OVCH1: variants seen among roughly 807,000 people sequenced by gnomAD.
OVCH1 encodes ovochymase-1.
In OVCH1, 139 loss-of-function variants were observed where a neutral mutation model predicts 138.4. The observed-to-expected ratio is 1.00, with a 90% CI of 0.87 to 1.16. The LOEUF is 1.16. Ranked by LOEUF, OVCH1 falls within the 50% of genes most tolerant of loss-of-function variation. The pLI, the probability that OVCH1 is intolerant of heterozygous loss-of-function variation, is 0.00. For missense variants in OVCH1, 1,367 were observed against 1,357.9 expected (o/e 1.01, Z -0.11); for synonymous variants, 453 against 467.8 (o/e 0.97, Z 0.41).
chr12:29,464,529 G>A lies in OVCH1; in HGVS notation c.2103C>T (p.Thr701=), dbSNP rs117919494. The A allele has an allele frequency of 2.3e-4, 366 of 1,613,212 alleles. 2 individuals carry two copies. In the East Asian group the frequency reaches 5.8e-3, roughly 26 times the overall value. Reference sequence around the variant, plus strand: ...TACCTGCACTGATGCTTCCCCATCCGGTCACAGCACAGATCTCCGAGGAAA... The same window carrying A: ...TACCTGCACTGATGCTTCCCCATCCAGTCACAGCACAGATCTCCGAGGAAA... Residue 701 remains threonine, a synonymous_variant, in exon 18 of 28, where the codon ACC becomes ACT. Transcript: ENST00000318184.
At chr12:29,437,346 C>A (rs1302192855) in intron 26 of OVCH1, among the ~76,000 whole-genome samples, 1 of 152,054 alleles carries the variant, frequency 6.6e-6, no homozygotes, top group African/African-American at 2.4e-5. Flanking sequence ...ATTGGTTAGA[C>A]CCTTATTTAT....
intron 27 of OVCH1, among the ~76,000 whole-genome samples, chr12:29,433,565 T>A (rs2135904538): frequency 6.6e-6 from 1 of 152,308 alleles, no homozygotes; most frequent in East Asian, 1.9e-4. Context: ...ATATGATTAT[T>A]GACGATCTCC....
intron 21 of OVCH1, among the ~76,000 whole-genome samples, chr12:29,453,128 C>G (rs145941036): frequency 1.6e-3 from 244 of 152,248 alleles, no homozygotes; most frequent in African/African-American, 5.6e-3. Context: ...TTTAGGCACT[C>G]ACTGAATTCA....
chr12:29,489,902 A>G, intron 5 of OVCH1, 131 bp from the exon 6 acceptor site: 1 of 1,010,840 alleles, frequency 9.9e-7, no homozygotes, highest in South Asian at 1.6e-5. Context: ...TTAGGTGTGA[A>G]TCATATTCAC....
In OVCH1 at chr12:29,443,349, G is replaced by A. The variant is rs529945181; in HGVS notation, c.3157+12C>T. On this transcript the variant is annotated intron_variant, in intron 25 of 27. Coordinates refer to ENST00000318184, the Ensembl canonical transcript of OVCH1. ...AAATCAGTAGCATAGAGATTCATGGGAAATCAGTTACCTATTAATTTTTTT... is the reference window on the plus strand; with the variant it reads ...AAATCAGTAGCATAGAGATTCATGGAAAATCAGTTACCTATTAATTTTTTT... 6.2e-7 allele frequency: 1 copy of A among 1,607,472 alleles called. No individual in the cohort carries two copies. The highest frequency in any genetic ancestry group is 8.5e-7 in the Non-Finnish European group (1 of 1,176,456).
chr12:29,419,513 C>T (rs1941075226), intron 3 of OVCH1, among the ~76,000 whole-genome samples: 2 of 151,574 alleles, frequency 1.3e-5, no homozygotes, highest in Non-Finnish European at 2.9e-5. Flanking sequence ...CCAGGATGGT[C>T]TCGATCTCCT....
the OVCH1 span, among the ~76,000 whole-genome samples, chr12:29,405,287 T>G: frequency 5.3e-5 from 8 of 151,068 alleles, no homozygotes; most frequent in African/African-American, 1.9e-4. Context: ...CAAATGCCAG[T>G]TTGTGAGACA....
At chr12:29,454,687 TA>T (rs1384214988) in intron 21 of OVCH1, among the ~76,000 whole-genome samples, 153 bp downstream of exon 21, 7 of 152,144 alleles carry the variant, frequency 4.6e-5, no homozygotes, top group Non-Finnish European at 1.0e-4. Context: ...ACAATCTTAA[TA>T]ACAACTCTCC....
At chr12:29,404,580 T>C in the OVCH1 span, among the ~76,000 whole-genome samples, 5 of 152,220 alleles carry the variant, frequency 3.3e-5, no homozygotes, top group Non-Finnish European at 7.3e-5. Context: ...CACTTAATGC[T>C]GACTGTAGAC....
chr12:29,455,265 G>A lies in OVCH1; in HGVS notation c.2421C>T (p.Ile807=), dbSNP rs1411471835. 4 of 1,611,978 alleles carry A rather than the reference G, an allele frequency of 2.5e-6. No homozygotes were observed. The South Asian group carries it at 3.3e-5, about 13-fold the overall frequency. The change falls in exon 20 of 28, where the codon ATC becomes ATT. Residue 807 remains isoleucine, a synonymous_variant. Transcript: ENST00000318184. ...ACAATTTACCATTGATTTTTGATTG[G>A]ATCCAGTCCAAGAAGATCATCACTC... is the stretch of plus-strand genomic sequence containing the variant.
chr12:29,459,796 A>G (rs546674656), intron 19 of OVCH1, among the ~76,000 whole-genome samples: 1 of 152,296 alleles, frequency 6.6e-6, no homozygotes, highest in East Asian at 1.9e-4. Context: ...AAAAGAACTT[A>G]GAATAAAAAA....
At chr12:29,477,722 G>A in intron 9 of OVCH1, 1 of 951,422 alleles carries the variant, frequency 1.1e-6, no homozygotes, top group Non-Finnish European at 1.5e-6. Context: ...TCAAAATTCA[G>A]CTCTCTGATA....
chr12:29,423,990 C>A (rs1430726622), downstream of OVCH1, among the ~76,000 whole-genome samples: 1 of 152,030 alleles, frequency 6.6e-6, no homozygotes, highest in Non-Finnish European at 1.5e-5. Flanking sequence ...GTCGGGGAGA[C>A]CCTAACCCAG....
At chr12:29,412,112 G>T (rs139827598), downstream of OVCH1, among the ~76,000 whole-genome samples, 4,572 of 152,246 alleles carry the variant, frequency 0.03, 209 homozygotes, top group African/African-American at 0.098. Context: ...CTCTGAGCCA[G>T]GTGCGGGATA....
At chr12:29,480,468 T>G (rs10843429) in intron 8 of OVCH1, among the ~76,000 whole-genome samples, 72,796 of 152,016 alleles carry the variant, frequency 0.48, 17,673 homozygotes, top group East Asian at 0.57. Context: ...AGATGAAAAA[T>G]AGGTTTCAAA....
chr12:29,424,141 G>A (rs1941145683), downstream of OVCH1, among the ~76,000 whole-genome samples: 1 of 152,160 alleles, frequency 6.6e-6, no homozygotes, highest in Non-Finnish European at 1.5e-5. Flanking sequence ...CCAGTGATAA[G>A]CATTGTTTCT....
At chr12:29,461,590 T>C (rs75696900) in intron 19 of OVCH1, 83,096 of 512,090 alleles carry the variant, frequency 0.16, 7,840 homozygotes, top group Middle Eastern at 0.21. Context: ...TTAGAAGCTC[T>C]GCCATTTCCT....
intron 6 of OVCH1, among the ~76,000 whole-genome samples, chr12:29,488,455 A>C (rs1314278188): frequency 6.6e-6 from 1 of 151,806 alleles, no homozygotes; most frequent in Non-Finnish European, 1.5e-5. Flanking sequence ...TGTCTCTATT[A>C]AAAATACAAA....
the OVCH1 span, among the ~76,000 whole-genome samples, chr12:29,407,414 T>G: frequency 6.6e-6 from 1 of 150,518 alleles, no homozygotes. Context: ...TGCCTAGGTT[T>G]TCTTCTAGGG....
Sources: allele counts gnomAD v4.1 joint callset (sites outside exome capture counted in the v4.1 genomes callset), GRCh38; gene constraint gnomAD v4.1.1; transcripts MANE v1.5; gene names NCBI Gene and HGNC (gene_info 2026-07-23, HGNC 2026-07-21).